Variants in GLIS3 observed in about 807,000 individuals in gnomAD.
GLIS3 encodes the protein GLIS family zinc finger 3.
A neutral mutation model predicts 78.6 loss-of-function variants in GLIS3; 53 were observed. The observed-to-expected ratio is 0.67, with a 90% CI of 0.54 to 0.85. The LOEUF (loss-of-function observed/expected upper bound fraction) is 0.85. Ranked by LOEUF, GLIS3 falls within the 40% of genes least tolerant of loss-of-function variation. The probability of loss-of-function intolerance (pLI) is 0.00; values close to 1 mark genes in which losing one functional copy is unlikely to be tolerated. For missense variants in GLIS3, 1,703 were observed against 1,231.1 expected (o/e 1.38, Z -5.74); for synonymous variants, 684 against 509.9 (o/e 1.34, Z -4.60).
chr9:4,331,760 C>T (rs13286735), intron 2 of GLIS3, among the ~76,000 whole-genome samples: 2 of 151,868 alleles, frequency 1.3e-5, no homozygotes, highest in Non-Finnish European at 2.9e-5. Flanking sequence ...TAAGGTGAGA[C>T]CTGAAGGATG....
intron 6 of GLIS3, among the ~76,000 whole-genome samples, chr9:3,909,545 C>T (rs1588205435): frequency 1.3e-5 from 2 of 152,082 alleles, no homozygotes; most frequent in Non-Finnish European, 2.9e-5. Context: ...ATAGGGGATA[C>T]CTATTTAGTT....
chr9:4,336,311 G>C (rs1473472611), intron 2 of GLIS3, among the ~76,000 whole-genome samples: 2 of 152,158 alleles, frequency 1.3e-5, no homozygotes, highest in Non-Finnish European at 2.9e-5. Context: ...CTATGGCTAA[G>C]CTATCTATCC....
chr9:4,407,228 CTG>C, the GLIS3 span, among the ~76,000 whole-genome samples: 5 of 152,212 alleles, frequency 3.3e-5, no homozygotes, highest in African/African-American at 1.2e-4. Context: ...ACTGGGAAAA[CTG>C]GATATCCTTA....
chr9:4,318,334 G>C (rs1234008237), intron 2 of GLIS3, among the ~76,000 whole-genome samples: 2 of 152,154 alleles, frequency 1.3e-5, no homozygotes, highest in African/African-American at 2.4e-5. Flanking sequence ...CATCTCAGTA[G>C]TCGTGAGCAC....
At chr9:4,428,483 CAAAAAAA>C in the GLIS3 span, among the ~76,000 whole-genome samples, 4 of 48,470 alleles carry the variant, frequency 8.3e-5, no homozygotes, top group African/African-American at 2.6e-4. Context: ...GACTCTGTCT[CAAAAAAA>C]AAAAAAAAAA....
chr9:3,990,866 T>C (rs1820178482), intron 4 of GLIS3, among the ~76,000 whole-genome samples: 1 of 152,150 alleles, frequency 6.6e-6, no homozygotes, highest in Non-Finnish European at 1.5e-5. Context: ...TCTTCCAAAA[T>C]ATACAGGTTC....
chr9:4,204,401 C>T (rs561487539), intron 2 of GLIS3, among the ~76,000 whole-genome samples: 21 of 152,236 alleles, frequency 1.4e-4, no homozygotes, highest in African/African-American at 3.9e-4. Context: ...ATGCATACAT[C>T]TGCAGGCAGA....
At position 4,276,113 on chromosome 9, in the gene GLIS3, A is replaced by G. The variant is rs753499914; in HGVS notation, c.388+9925T>C. ...AGCCTGAGCAACATAGAAAAACCCC[A>G]TATCTACAAAAGAAATACAGAAATT... is the stretch of plus-strand genomic sequence containing the variant. On this transcript the variant is annotated intron_variant, in intron 2 of 10. Coordinates refer to ENST00000381971, the MANE Select transcript of GLIS3 (RefSeq NM_001042413.2). Among the ~76,000 whole-genome samples the G allele has an allele frequency of 2.2e-4, 33 of 151,012 alleles. No homozygotes were observed. The South Asian group carries it at 3.8e-3, about 17-fold the overall frequency.
At chr9:4,195,261 C>G (rs1018939819) in intron 2 of GLIS3, among the ~76,000 whole-genome samples, 5 of 151,816 alleles carry the variant, frequency 3.3e-5, no homozygotes, top group Non-Finnish European at 5.9e-5. Flanking sequence ...CTGGTTGAGG[C>G]CAGAGCTGCT....
chr9:4,200,811 G>T (rs968087851), intron 2 of GLIS3, among the ~76,000 whole-genome samples: 1 of 152,056 alleles, frequency 6.6e-6, no homozygotes, highest in South Asian at 2.1e-4. Flanking sequence ...CATCAAAGTG[G>T]AACGACTCCT....
intron 4 of GLIS3, among the ~76,000 whole-genome samples, chr9:4,107,038 G>T (rs1830810030): frequency 6.6e-6 from 1 of 152,104 alleles, no homozygotes; most frequent in Non-Finnish European, 1.5e-5. Context: ...GTTGGGCTGG[G>T]AAAGATTTAA....
intron 4 of GLIS3, among the ~76,000 whole-genome samples, chr9:4,017,582 A>G (rs1317435664): frequency 3.9e-5 from 6 of 152,180 alleles, no homozygotes; most frequent in Non-Finnish European, 8.8e-5. Context: ...TTCCCAGAGT[A>G]GAGATGATCA....
At chr9:4,138,729 T>TA (rs750477764) in intron 2 of GLIS3, among the ~76,000 whole-genome samples, 2 of 152,190 alleles carry the variant, frequency 1.3e-5, no homozygotes, top group Non-Finnish European at 2.9e-5. Context: ...ATGGGGATGA[T>TA]AATTGTTCCC....
chr9:3,942,457 G>A (rs1815996917), intron 4 of GLIS3, among the ~76,000 whole-genome samples: 1 of 152,198 alleles, frequency 6.6e-6, no homozygotes, highest in Non-Finnish European at 1.5e-5. Context: ...TAATCCTGCA[G>A]ATACTGTCAA....
At chr9:4,473,359 T>C in the GLIS3 span, among the ~76,000 whole-genome samples, 1 of 151,084 alleles carries the variant, frequency 6.6e-6, no homozygotes, top group Admixed American at 6.7e-5. Flanking sequence ...GGCAGGAGAA[T>C]CGTTTGAACC....
At chr9:4,201,107 A>G (rs1477268460) in intron 2 of GLIS3, among the ~76,000 whole-genome samples, 1 of 152,238 alleles carries the variant, frequency 6.6e-6, no homozygotes, top group East Asian at 1.9e-4. Context: ...CAATAGATGC[A>G]GAAAAAGCTT....
At chr9:4,236,032 A>G (rs942116016) in intron 2 of GLIS3, among the ~76,000 whole-genome samples, 24 of 152,112 alleles carry the variant, frequency 1.6e-4, no homozygotes, top group Admixed American at 9.8e-4. Context: ...CACTCTACAC[A>G]AACCTGTGTA....
rs969093085 is a variant in GLIS3, at chr9:4,329,144, G to A, written n.264+17937C>T. 1.1e-4 allele frequency among the ~76,000 whole-genome samples: 16 copies of A among 152,228 alleles called. No individual in the cohort carries two copies. In the East Asian group the frequency reaches 2.5e-3, roughly 24 times the overall value. ...CCGACTTGGGCAGCTGTGTGAGATC[G>A]AAGAATTTTCTACCTCTGTGGCCCT... On this transcript the variant is annotated intron_variant and non_coding_transcript_variant, in intron 2 of 4. Coordinates refer to the GLIS3 transcript ENST00000471664.
intron 4 of GLIS3, 135 bp downstream of exon 4, chr9:4,117,633 G>T: frequency 4.1e-6 from 4 of 967,466 alleles, no homozygotes; most frequent in Non-Finnish European, 6.7e-6. Flanking sequence ...TCCTCAAGCT[G>T]AAGGGGAACC....
Sources: allele counts gnomAD v4.1 joint callset (sites outside exome capture counted in the v4.1 genomes callset), GRCh38; gene constraint gnomAD v4.1.1; transcripts MANE v1.5; gene names NCBI Gene and HGNC (gene_info 2026-07-23, HGNC 2026-07-21).